Variants in CSMD1 observed in about 807,000 individuals in gnomAD.
CSMD1 encodes the protein CUB and sushi domain-containing protein 1.
In CSMD1, 213 loss-of-function variants were observed where a neutral mutation model predicts 417.5. The ratio of observed to expected loss-of-function variants is 0.51; its 90% confidence interval spans 0.46 to 0.57. CSMD1 has a LOEUF of 0.57. CSMD1 is among the 20% of genes least tolerant of loss of function. The probability of loss-of-function intolerance (pLI) is 0.00; values close to 1 mark genes in which losing one functional copy is unlikely to be tolerated. For synonymous variants in CSMD1, 2,862 were observed against 1,736.8 expected (o/e 1.65, Z -16.11); for missense variants, 6,923 against 4,529.7 (o/e 1.53, Z -15.17).
intron 2 of CSMD1, among the ~76,000 whole-genome samples, chr8:4,448,180 T>C (rs1427318428): frequency 6.6e-6 from 1 of 152,234 alleles, no homozygotes; most frequent in Non-Finnish European, 1.5e-5. Context: ...GTAACCATAA[T>C]GTCTATTTTT....
chr8:4,974,774 A>T (rs144897248), intron 1 of CSMD1, among the ~76,000 whole-genome samples: 1 of 152,152 alleles, frequency 6.6e-6, no homozygotes, highest in Non-Finnish European at 1.5e-5. Context: ...TTTGAGCCTC[A>T]AATCTTTGTC....
chr8:3,960,618 A>G (rs562583035), intron 5 of CSMD1, among the ~76,000 whole-genome samples: 1 of 152,202 alleles, frequency 6.6e-6, no homozygotes, highest in East Asian at 1.9e-4. Flanking sequence ...ATATAACATT[A>G]ATGGAAATAT....
chr8:3,996,047 C>A (rs1320193390), intron 5 of CSMD1, among the ~76,000 whole-genome samples: 1 of 152,190 alleles, frequency 6.6e-6, no homozygotes, highest in African/African-American at 2.4e-5. Flanking sequence ...TAAAGTGCTA[C>A]AATGGTCCCA....
intron 3 of CSMD1, among the ~76,000 whole-genome samples, chr8:4,255,156 T>A (rs889034409): frequency 6.6e-6 from 1 of 152,208 alleles, no homozygotes; most frequent in Non-Finnish European, 1.5e-5. Flanking sequence ...AGATGATACA[T>A]AGAGCTTTAT....
chr8:4,427,687 T>C (rs1303111578), intron 2 of CSMD1, among the ~76,000 whole-genome samples: 1 of 152,170 alleles, frequency 6.6e-6, no homozygotes, highest in Non-Finnish European at 1.5e-5. Flanking sequence ...ACCTATTACA[T>C]TTATGTATTT....
intron 5 of CSMD1, among the ~76,000 whole-genome samples, chr8:3,813,995 A>G (rs1801231380): frequency 6.6e-6 from 1 of 152,214 alleles, no homozygotes; most frequent in Admixed American, 6.5e-5. Flanking sequence ...TAAAAGGAGA[A>G]CCGTTCAACA....
At chr8:3,611,685 A>T (rs1801901848) in intron 8 of CSMD1, among the ~76,000 whole-genome samples, 1 of 152,168 alleles carries the variant, frequency 6.6e-6, no homozygotes, top group African/African-American at 2.4e-5. Context: ...ATGCTTTCAG[A>T]TCCTCCTAAT....
At chr8:3,242,167 G>A (rs568042098) in intron 26 of CSMD1, among the ~76,000 whole-genome samples, 1 of 152,026 alleles carries the variant, frequency 6.6e-6, no homozygotes, top group Non-Finnish European at 1.5e-5. Context: ...CTGGGCAGGT[G>A]GGGGAGGGCT....
In CSMD1 at chr8:4,261,120, G is replaced by A. The variant is rs866555234; in HGVS notation, c.415+158833C>T. Among the ~76,000 whole-genome samples the A allele has an allele frequency of 2.6e-5, 4 of 152,242 alleles. 1 individual carries two copies. The South Asian group carries it at 8.3e-4, about 32-fold the overall frequency. On this transcript the variant is annotated intron_variant, in intron 3 of 69. Transcript: ENST00000635120. The stretch of plus-strand genomic sequence containing the variant: ...CTATGTGTCATTTACACATGTCTGT[G>A]TTTGTTAGACTCTTTTTTCTCCCTT...
At chr8:4,609,840 C>G (rs1288192786) in intron 2 of CSMD1, among the ~76,000 whole-genome samples, 4 of 152,286 alleles carry the variant, frequency 2.6e-5, no homozygotes, top group Middle Eastern at 3.4e-3. Flanking sequence ...ATGCCCTGAG[C>G]TTTCTGATAG....
chr8:3,230,255 G>A (rs755676360), intron 26 of CSMD1, 24 bp from the exon 27 acceptor site: 7 of 1,528,122 alleles, frequency 4.6e-6, no homozygotes, highest in Non-Finnish European at 5.3e-6. Flanking sequence ...AGAAGGCAAG[G>A]TCACAGGCTG....
chr8:3,790,819 G>A, intron 5 of CSMD1, among the ~76,000 whole-genome samples: 1 of 152,130 alleles, frequency 6.6e-6, no homozygotes, highest in East Asian at 1.9e-4. Flanking sequence ...AATGGGACCT[G>A]GAGATGTCAG....
At chr8:4,867,237 G>A (rs1042270150) in intron 1 of CSMD1, among the ~76,000 whole-genome samples, 2 of 151,974 alleles carry the variant, frequency 1.3e-5, no homozygotes, top group African/African-American at 2.4e-5. Context: ...TGGAGTGTTT[G>A]GGGGTTGTTA....
At chr8:4,403,140 T>C (rs933931467) in intron 3 of CSMD1, among the ~76,000 whole-genome samples, 2 of 152,152 alleles carry the variant, frequency 1.3e-5, no homozygotes, top group African/African-American at 4.8e-5. Context: ...CAAAATGTCC[T>C]CACTTTTTAA....
At chr8:4,481,808 G>C (rs111501352) in intron 2 of CSMD1, among the ~76,000 whole-genome samples, 1 of 152,216 alleles carries the variant, frequency 6.6e-6, no homozygotes, top group African/African-American at 2.4e-5. Context: ...GGATTAACTT[G>C]TTTAATTTTA....
chr8:3,568,592 T>A (rs988386409), intron 10 of CSMD1, among the ~76,000 whole-genome samples: 5 of 152,284 alleles, frequency 3.3e-5, no homozygotes, highest in Admixed American at 1.3e-4. Context: ...AATGTGTGTG[T>A]ATATCAATGT....
intron 3 of CSMD1, among the ~76,000 whole-genome samples, chr8:4,288,916 T>C (rs74677991): frequency 0.028 from 4,300 of 152,272 alleles, 199 homozygotes; most frequent in African/African-American, 0.096. Context: ...AAAGTCCTCA[T>C]TCCATATATA....
At chr8:4,815,813 T>C (rs918047264) in intron 1 of CSMD1, among the ~76,000 whole-genome samples, 1 of 151,948 alleles carries the variant, frequency 6.6e-6, no homozygotes, top group African/African-American at 2.4e-5. Context: ...ATTATTCAAG[T>C]AATGAATGCC....
chr8:3,354,937 A>ATGTCTATCTATAGATT (rs1339389939), intron 21 of CSMD1, among the ~76,000 whole-genome samples: 1 of 150,682 alleles, frequency 6.6e-6, no homozygotes, highest in Non-Finnish European at 1.5e-5. Context: ...AGATATAGAT[A>ATGTCTATCTATAGATT]TATATAGAGA....
Sources: allele counts gnomAD v4.1 joint callset (sites outside exome capture counted in the v4.1 genomes callset), GRCh38; gene constraint gnomAD v4.1.1; transcripts MANE v1.5; gene names NCBI Gene and HGNC (gene_info 2026-07-23, HGNC 2026-07-21).